Variants in TSPAN12 observed in about 807,000 individuals in gnomAD.
TSPAN12 encodes tetraspanin 12, also known as tetraspanin-12.
A neutral mutation model predicts 39.2 loss-of-function variants in TSPAN12; 19 were observed. The ratio of observed to expected loss-of-function variants is 0.49; its 90% CI spans 0.34 to 0.71. The LOEUF (loss-of-function observed/expected upper bound fraction) is 0.71, where lower values mean the gene tolerates loss of function less well. Among genes scored for constraint, TSPAN12 ranks in the 30% least tolerant of loss-of-function variants. The pLI is 0.01. For missense variants in TSPAN12, 314 were observed against 359.9 expected (o/e 0.87, Z 1.03); for synonymous variants, 119 against 124.8 (o/e 0.95, Z 0.31).
intron 4 of TSPAN12, among the ~76,000 whole-genome samples, chr7:120,828,554 C>A (rs571799787): frequency 3.3e-5 from 5 of 152,210 alleles, no homozygotes; most frequent in African/African-American, 7.2e-5. Context: ...CTGCCCCTTG[C>A]CCTTCTCCAT....
intron 2 of TSPAN12, among the ~76,000 whole-genome samples, chr7:120,845,379 A>C (rs1794651502): frequency 1.3e-5 from 2 of 152,192 alleles, no homozygotes; most frequent in Admixed American, 6.5e-5. Context: ...TTTCCGGAAA[A>C]TTAGTTTATC....
At chr7:120,844,780 A>G (rs1794641756) in intron 2 of TSPAN12, among the ~76,000 whole-genome samples, 1 of 152,142 alleles carries the variant, frequency 6.6e-6, no homozygotes, top group African/African-American at 2.4e-5. Context: ...CAGGCACATG[A>G]TGCAAGTCGT....
intron 5 of TSPAN12, among the ~76,000 whole-genome samples, chr7:120,811,647 G>T (rs1793983503): frequency 6.6e-6 from 1 of 150,690 alleles, no homozygotes; most frequent in African/African-American, 2.4e-5. Context: ...TCCAGCCTGG[G>T]TGACAGAGCG....
intron 4 of TSPAN12, among the ~76,000 whole-genome samples, chr7:120,823,664 A>G (rs1348199316): frequency 6.6e-6 from 1 of 152,180 alleles, no homozygotes; most frequent in East Asian, 1.9e-4. Flanking sequence ...GCCCAAAACT[A>G]AAAACTAAAA....
At chr7:120,838,385 T>A (rs1049823762) in intron 4 of TSPAN12, among the ~76,000 whole-genome samples, 2 of 152,168 alleles carry the variant, frequency 1.3e-5, no homozygotes, top group African/African-American at 4.8e-5. Flanking sequence ...GTCTGCTACC[T>A]CACAACCTGA....
Position 120,856,800 on chromosome 7 carries a change from C to T in TSPAN12, c.-37G>A. The T allele has an allele frequency of 5.6e-6, 9 of 1,611,746 alleles. No homozygotes were observed. The highest frequency in any genetic ancestry group is 7.6e-6 in the Non-Finnish European group (9 of 1,177,850). ...TAAGGGAGAAGCCCCATCCTTTCAC[C>T]ACATCCTACTCCCAAGGGCAAAACG... On this transcript the variant is annotated 5_prime_UTR_variant, in exon 2 of 8. It introduces an in-frame stop codon into an upstream open reading frame of the 5' UTR. Coordinates refer to ENST00000222747, the MANE Select transcript of TSPAN12 (RefSeq NM_012338.4).
intron 5 of TSPAN12, among the ~76,000 whole-genome samples, chr7:120,811,464 C>T (rs1793978815): frequency 6.6e-6 from 1 of 151,878 alleles, no homozygotes; most frequent in Non-Finnish European, 1.5e-5. Flanking sequence ...GTCAGGAGAT[C>T]GAGACCATCC....
chr7:120,792,488 C>G (rs1003035528), intron 7 of TSPAN12, among the ~76,000 whole-genome samples: 2 of 142,368 alleles, frequency 1.4e-5, no homozygotes, highest in Non-Finnish European at 3.1e-5. Flanking sequence ...AAGTTACACA[C>G]ATGAATAGGG....
intron 4 of TSPAN12, among the ~76,000 whole-genome samples, chr7:120,829,535 T>C (rs551273566): frequency 6.6e-6 from 1 of 152,306 alleles, no homozygotes; most frequent in African/African-American, 2.4e-5. Context: ...GTCATCTCCT[T>C]TTAAATGAAT....
chr7:120,846,507 T>A (rs1794672037), intron 2 of TSPAN12, among the ~76,000 whole-genome samples: 1 of 151,886 alleles, frequency 6.6e-6, no homozygotes, highest in Non-Finnish European at 1.5e-5. Context: ...GGTCTTCCAT[T>A]TTTAACAACA....
chr7:120,851,104 C>T (rs1794761744), intron 2 of TSPAN12, among the ~76,000 whole-genome samples: 1 of 152,276 alleles, frequency 6.6e-6, no homozygotes, highest in East Asian at 1.9e-4. Context: ...CCATTCATAG[C>T]GTAAAGTTGG....
chr7:120,789,582 C>T (rs1055375826), intron 7 of TSPAN12, among the ~76,000 whole-genome samples: 4 of 152,166 alleles, frequency 2.6e-5, no homozygotes, highest in African/African-American at 9.7e-5. Flanking sequence ...CTCAAGTATT[C>T]TATAAGAGCT....
chr7:120,816,894 G>T (rs959022039), intron 4 of TSPAN12, among the ~76,000 whole-genome samples: 2 of 152,040 alleles, frequency 1.3e-5, no homozygotes, highest in Admixed American at 1.3e-4. Context: ...AAAATAGGCA[G>T]AAAAGAATCA....
intron 4 of TSPAN12, among the ~76,000 whole-genome samples, chr7:120,837,311 A>T (rs961131118): frequency 7.7e-6 from 1 of 130,070 alleles, no homozygotes; most frequent in East Asian, 2.3e-4. Context: ...TTATTCATTT[A>T]TTTATTTTTT....
chr7:120,843,532 T>C (rs1794616588), intron 2 of TSPAN12, among the ~76,000 whole-genome samples: 1 of 152,154 alleles, frequency 6.6e-6, no homozygotes, highest in Admixed American at 6.5e-5. Context: ...AACTGGCCAA[T>C]CCTAAACCCA....
At position 120,788,559 on chromosome 7, in the gene TSPAN12, C is replaced by T. The variant is rs1344966930; in HGVS notation, c.*33G>A. The T allele has an allele frequency of 5.0e-6, 8 of 1,613,390 alleles. No individual in the cohort carries two copies. Among genetic ancestry groups the T allele is most frequent in the Non-Finnish European group, 6.8e-6 (8 of 1,179,450 alleles). On this transcript the variant is annotated 3_prime_UTR_variant, in exon 8 of 8. Coordinates refer to ENST00000222747, the MANE Select transcript of TSPAN12 (RefSeq NM_012338.4). Reference sequence around the variant, plus strand: ...TCAAAAATTCACAAGTCCAGTAAAACAAGTTTGTGGTTTTCTTCTGTGACA... The same window carrying T: ...TCAAAAATTCACAAGTCCAGTAAAATAAGTTTGTGGTTTTCTTCTGTGACA...
At position 120,788,335 on chromosome 7, in the gene TSPAN12, A is replaced by C; in HGVS notation, c.*257T>G. 3 of 496,672 alleles carry C rather than the reference A, an allele frequency of 6.0e-6. No homozygotes were observed. The South Asian group carries it at 6.3e-5, about 11-fold the overall frequency. 30.8% of individuals were successfully genotyped at this position (496,672 alleles called of 1,614,324 possible). The stretch of plus-strand genomic sequence containing the variant: ...GCTGCCTCAAAACATAACTGTGTTC[A>C]GTAAAAGTCATACACAGGCTACACA... On this transcript the variant is annotated 3_prime_UTR_variant, in exon 8 of 8. Transcript: ENST00000222747.
chr7:120,794,996 G>A (rs951586804), intron 7 of TSPAN12, among the ~76,000 whole-genome samples: 1 of 152,034 alleles, frequency 6.6e-6, no homozygotes, highest in African/African-American at 2.4e-5. Flanking sequence ...AAGACATTAA[G>A]TCTAGATAAA....
intron 7 of TSPAN12, among the ~76,000 whole-genome samples, chr7:120,799,333 A>C (rs544139842): frequency 8.7e-5 from 13 of 149,888 alleles, no homozygotes; most frequent in African/African-American, 2.7e-4. Flanking sequence ...TTCCCACAAC[A>C]CTCTGTCAGA....
Sources: allele counts gnomAD v4.1 joint callset (sites outside exome capture counted in the v4.1 genomes callset), GRCh38; gene constraint gnomAD v4.1.1; transcripts MANE v1.5; gene names NCBI Gene and HGNC (gene_info 2026-07-23, HGNC 2026-07-21).